CA4: variants seen among roughly 807,000 people sequenced by gnomAD.
The protein encoded by CA4 is carbonic anhydrase 4.
Under a neutral mutation model 34.5 loss-of-function variants are expected in CA4, and 24 were observed. The observed-to-expected ratio is 0.70, with a 90% CI of 0.50 to 0.98. The LOEUF is 0.98. CA4 is among the 50% of genes least tolerant of loss of function. The pLI is 0.00. For missense variants in CA4, 394 were observed against 396.7 expected, an observed-to-expected ratio of 0.99 and a Z score of 0.06; for synonymous variants, 178 against 170.6, an observed-to-expected ratio of 1.04 and a Z score of -0.34.
intron 5 of CA4, among the ~76,000 whole-genome samples, chr17:60,165,176 A>G (rs1252039092): frequency 2.6e-5 from 4 of 152,170 alleles, no homozygotes; most frequent in African/African-American, 4.8e-5. Flanking sequence ...ATGCAGAGTG[A>G]TGCATAATGA....
chr17:60,166,624 G>A (rs1326096295), intron 5 of CA4, among the ~76,000 whole-genome samples: 1 of 152,202 alleles, frequency 6.6e-6, no homozygotes, highest in Non-Finnish European at 1.5e-5. Context: ...ATTTTCAGAT[G>A]AGGAAACGAA....
chr17:60,175,668 C>CAAAAAAAAAAAAA (rs150949660), downstream of CA4, among the ~76,000 whole-genome samples: 4 of 81,540 alleles, frequency 4.9e-5, no homozygotes, highest in Admixed American at 1.3e-4. Flanking sequence ...AACTCCGTCT[C>CAAAAAAAAAAAAA]AAAAAAAAAA....
At chr17:60,169,847 G>A (rs2083897023) in intron 5 of CA4, among the ~76,000 whole-genome samples, 2 of 152,168 alleles carry the variant, frequency 1.3e-5, no homozygotes, top group Non-Finnish European at 2.9e-5. Context: ...ATTTACACTG[G>A]CTATTTCCCC....
At chr17:60,160,884 C>T (rs1040041340), downstream of CA4, among the ~76,000 whole-genome samples, 2 of 126,318 alleles carry the variant, frequency 1.6e-5, no homozygotes, top group Admixed American at 9.6e-5. Flanking sequence ...GGGAGCCTTC[C>T]AGAGAAACAG....
intron 5 of CA4, among the ~76,000 whole-genome samples, chr17:60,165,827 A>G (rs1490360329): frequency 2.0e-5 from 3 of 149,972 alleles, no homozygotes; most frequent in Non-Finnish European, 3.0e-5. Context: ...TAAATAACAA[A>G]TCTCTTTTTT....
downstream of CA4, among the ~76,000 whole-genome samples, chr17:60,171,990 C>T (rs897240642): frequency 6.6e-6 from 1 of 152,170 alleles, no homozygotes; most frequent in Non-Finnish European, 1.5e-5. Flanking sequence ...GATGACTGCT[C>T]TGAACCTGGG....
At chr17:60,156,796 G>C (rs1597992644) in intron 3 of CA4, 81 bp downstream of exon 3, 2 of 1,331,958 alleles carry the variant, frequency 1.5e-6, no homozygotes, top group East Asian at 4.6e-5. Flanking sequence ...TCCCAGGAGG[G>C]TGTGCCAGAC....
intron 7 of CA4, 150 bp downstream of exon 7, chr17:60,158,596 G>T: frequency 2.6e-6 from 2 of 768,840 alleles, no homozygotes; most frequent in Non-Finnish European, 4.3e-6. Flanking sequence ...ACTGAAGACA[G>T]GCAAGAAAAG....
chr17:60,160,203 C>T (rs981510726), downstream of CA4, among the ~76,000 whole-genome samples: 1 of 152,180 alleles, frequency 6.6e-6, no homozygotes, highest in Non-Finnish European at 1.5e-5. Context: ...GACGGCAGCC[C>T]CAGCCCTGTG....
downstream of CA4, among the ~76,000 whole-genome samples, chr17:60,161,024 A>G (rs2083782718): frequency 6.6e-6 from 1 of 151,990 alleles, no homozygotes; most frequent in Non-Finnish European, 1.5e-5. Context: ...GGGACAGTTC[A>G]GGGGCTGCCG....
downstream of CA4, among the ~76,000 whole-genome samples, chr17:60,175,560 GTC>G (rs1334205625): frequency 1.4e-5 from 2 of 141,434 alleles, no homozygotes; most frequent in African/African-American, 2.6e-5. Context: ...CAGAGACCCT[GTC>G]TCTATTTAAA....
chr17:60,159,167 G>A (rs966599918), intron 7 of CA4, 63 bp from the exon 8 acceptor site: 75 of 1,436,024 alleles, frequency 5.2e-5, no homozygotes, highest in Non-Finnish European at 6.6e-5. Flanking sequence ...GCCTGCCTGA[G>A]GTCACACGGC....
chr17:60,155,709 T>C (rs531668140), intron 2 of CA4, among the ~76,000 whole-genome samples: 30 of 152,116 alleles, frequency 2.0e-4, no homozygotes, highest in African/African-American at 7.0e-4. Flanking sequence ...CACACTCTCC[T>C]GTCCTGGTGC....
chr17:60,159,183 G>C, intron 7 of CA4, 47 bp from the exon 8 acceptor site: 3 of 1,534,444 alleles, frequency 2.0e-6, no homozygotes, highest in Non-Finnish European at 2.7e-6. Flanking sequence ...ACGGCAGGGA[G>C]TGCAGCTCCC....
At chr17:60,152,880 C>A (rs767919149) in intron 1 of CA4, among the ~76,000 whole-genome samples, 1 of 152,068 alleles carries the variant, frequency 6.6e-6, no homozygotes, top group Non-Finnish European at 1.5e-5. Flanking sequence ...AAAATGAGGC[C>A]GAGATTTGCT....
intron 5 of CA4, among the ~76,000 whole-genome samples, chr17:60,169,671 A>G (rs1598008563): frequency 6.6e-6 from 1 of 151,992 alleles, no homozygotes; most frequent in South Asian, 2.1e-4. Context: ...TTGTATTTTT[A>G]GTAGAGATGG....
chr17:60,158,203 G>T, intron 6 of CA4, 76 bp downstream of exon 6: 1 of 1,605,128 alleles, frequency 6.2e-7, no homozygotes, highest in Non-Finnish European at 8.5e-7. Context: ...GGGTGTGCGG[G>T]GAGCTGGGCT....
chr17:60,159,433 T>G lies in CA4; in HGVS notation c.*9T>G. 1 of 1,610,196 alleles carries G rather than the reference T, an allele frequency of 6.2e-7. No individual in the cohort carries two copies. Among genetic ancestry groups the G allele is most frequent in the South Asian group, 1.1e-5 (1 of 90,816 alleles). On this transcript the variant is annotated 3_prime_UTR_variant, in exon 8 of 8. Coordinates refer to ENST00000300900, the MANE Select transcript of CA4 (RefSeq NM_000717.5). ...CCGGCTTCCTGCGATGATGGCTCAC[T>G]TCTGCACGCAGCCTCTCTGTTGCCT... is the stretch of plus-strand genomic sequence containing the variant.
intron 3 of CA4, among the ~76,000 whole-genome samples, chr17:60,157,148 G>A (rs557823936): frequency 6.6e-6 from 1 of 152,370 alleles, no homozygotes; most frequent in East Asian, 1.9e-4. Context: ...GCACCACAGA[G>A]GAGGTGGACG....
Sources: allele counts gnomAD v4.1 joint callset (sites outside exome capture counted in the v4.1 genomes callset), GRCh38; gene constraint gnomAD v4.1.1; transcripts MANE v1.5; gene names NCBI Gene and HGNC (gene_info 2026-07-23, HGNC 2026-07-21).